Variants in EYS observed in about 807,000 individuals in gnomAD.
The protein encoded by EYS is EGF-like photoreceptor maintenance factor.
A neutral mutation model predicts 282.1 loss-of-function variants in EYS; 250 were observed. The observed-to-expected ratio is 0.89, with a 90% CI of 0.80 to 0.98. The LOEUF is 0.98. EYS is among the 50% of genes least tolerant of loss of function. The pLI is 0.00. For missense variants in EYS, 4,016 were observed against 3,709.0 expected (o/e 1.08, Z -2.15); for synonymous variants, 1,355 against 1,282.9 (o/e 1.06, Z -1.20).
intron 26 of EYS, among the ~76,000 whole-genome samples, chr6:64,495,331 C>A (rs1448290682): frequency 6.6e-6 from 1 of 151,702 alleles, no homozygotes; most frequent in African/African-American, 2.4e-5. Context: ...AGTCACATAT[C>A]CTAAAGTCAT....
chr6:64,178,920 CT>C (rs201160056), intron 31 of EYS, among the ~76,000 whole-genome samples: 2,121 of 151,686 alleles, frequency 0.014, 60 homozygotes, highest in African/African-American at 0.048. Context: ...AGAATGTTGG[CT>C]TTTTTTTCTT....
chr6:65,162,594 T>C (rs1422256129), intron 12 of EYS, among the ~76,000 whole-genome samples: 1 of 150,508 alleles, frequency 6.6e-6, no homozygotes, highest in Admixed American at 6.6e-5. Flanking sequence ...ATTACCACTT[T>C]ATGGCTATTT....
chr6:65,580,763 A>T (rs1008776484), intron 2 of EYS, among the ~76,000 whole-genome samples: 5 of 152,038 alleles, frequency 3.3e-5, no homozygotes, highest in African/African-American at 1.2e-4. Flanking sequence ...CTACTATTTC[A>T]ATTTAATATA....
chr6:64,911,957 CA>C (rs1300312358), intron 16 of EYS, among the ~76,000 whole-genome samples: 1 of 152,128 alleles, frequency 6.6e-6, no homozygotes, highest in Non-Finnish European at 1.5e-5. Flanking sequence ...CCAGGAGCTC[CA>C]ATAGTATTTT....
chr6:65,423,820 ATC>A (rs1389245339), intron 5 of EYS, among the ~76,000 whole-genome samples: 1 of 151,894 alleles, frequency 6.6e-6, no homozygotes, highest in African/African-American at 2.4e-5. Flanking sequence ...AAGATATTTT[ATC>A]TCTCTGTCTA....
intron 1 of EYS, among the ~76,000 whole-genome samples, chr6:65,658,856 T>A (rs985496140): frequency 5.9e-5 from 9 of 151,746 alleles, no homozygotes; most frequent in Admixed American, 5.9e-4. Flanking sequence ...GGGATGGGGA[T>A]AAAGGAAAGA....
intron 22 of EYS, among the ~76,000 whole-genome samples, chr6:64,726,646 C>T (rs1379385485): frequency 1.3e-5 from 2 of 152,030 alleles, no homozygotes; most frequent in Admixed American, 1.3e-4. Context: ...CTAATTCAAC[C>T]AGAAAAGTCT....
chr6:64,498,935 T>C (rs1412064264), intron 26 of EYS, among the ~76,000 whole-genome samples: 3 of 152,168 alleles, frequency 2.0e-5, no homozygotes, highest in Non-Finnish European at 4.4e-5. Flanking sequence ...TGTGCATGTG[T>C]ATTTATAGTA....
At chr6:64,642,976 G>A (rs1428116758) in intron 22 of EYS, among the ~76,000 whole-genome samples, 3 of 152,126 alleles carry the variant, frequency 2.0e-5, no homozygotes, top group South Asian at 2.1e-4. Context: ...TTAGCTGGGC[G>A]TGGTGGCACA....
intron 35 of EYS, among the ~76,000 whole-genome samples, chr6:63,875,046 T>C (rs1772930860): frequency 6.6e-6 from 1 of 152,214 alleles, no homozygotes; most frequent in South Asian, 2.1e-4. Flanking sequence ...CCCTGTCTTG[T>C]GCCAGTTTTC....
intron 30 of EYS, among the ~76,000 whole-genome samples, chr6:64,235,023 A>C (rs1349739457): frequency 6.6e-6 from 1 of 151,888 alleles, no homozygotes; most frequent in Non-Finnish European, 1.5e-5. Context: ...GATTACAGGC[A>C]TCTGCCACCA....
intron 14 of EYS, among the ~76,000 whole-genome samples, chr6:64,953,726 T>C (rs1394655737): frequency 6.6e-6 from 1 of 151,772 alleles, no homozygotes; most frequent in East Asian, 1.9e-4. Flanking sequence ...TATAAAAAGT[T>C]ACAAACACTG....
intron 2 of EYS, among the ~76,000 whole-genome samples, chr6:65,592,579 C>A (rs1765267426): frequency 6.6e-6 from 1 of 151,892 alleles, no homozygotes; most frequent in African/African-American, 2.4e-5. Flanking sequence ...CCCTCACAAC[C>A]ACCCAGAGGG....
chr6:64,298,229 C>T (rs1183537562), intron 30 of EYS, among the ~76,000 whole-genome samples: 2 of 151,984 alleles, frequency 1.3e-5, no homozygotes, highest in African/African-American at 4.8e-5. Flanking sequence ...TAATTGTTTT[C>T]TAAATAATTA....
At chr6:64,606,204 G>A (rs971465557) in intron 24 of EYS, among the ~76,000 whole-genome samples, 2 of 151,852 alleles carry the variant, frequency 1.3e-5, no homozygotes, top group East Asian at 3.9e-4. Flanking sequence ...GTGTCATAAA[G>A]GATATATTAA....
chr6:65,595,913 A>G (rs1765388246), intron 2 of EYS, among the ~76,000 whole-genome samples: 1 of 152,128 alleles, frequency 6.6e-6, no homozygotes, highest in South Asian at 2.1e-4. Context: ...AGTTATAAAA[A>G]GAAAGTATCT....
chr6:65,639,679 A>G (rs928770712), intron 2 of EYS, 99 bp downstream of exon 2: 1 of 152,180 alleles, frequency 6.6e-6, no homozygotes, highest in Non-Finnish European at 1.5e-5. Context: ...ATGGTGAAAG[A>G]TTCTGAATAA....
intron 30 of EYS, among the ~76,000 whole-genome samples, chr6:64,271,716 T>G (rs1767943832): frequency 6.6e-6 from 1 of 152,180 alleles, no homozygotes; most frequent in African/African-American, 2.4e-5. Context: ...TTTGTGGGTT[T>G]TTTTTGCATT....
intron 24 of EYS, among the ~76,000 whole-genome samples, chr6:64,597,562 T>G (rs1240532295): frequency 6.6e-6 from 1 of 152,130 alleles, no homozygotes; most frequent in East Asian, 1.9e-4. Context: ...TGTAGCAATG[T>G]GGATGGAACT....
Sources: gnomAD v4.1 joint callset for allele counts (sites outside exome capture counted in the v4.1 genomes callset) on GRCh38, gnomAD v4.1.1 for gene constraint, MANE v1.5 for transcripts, NCBI Gene and HGNC (gene_info 2026-07-23, HGNC 2026-07-21) for gene names.